The following SORCS1 variants were observed in gnomAD, a reference collection of about 807,000 sequenced individuals.
The protein encoded by SORCS1 is VPS10 domain-containing receptor SorCS1.
A neutral mutation model predicts 146.1 loss-of-function variants in SORCS1; 60 were observed. The observed-to-expected ratio is 0.41, with a 90% CI of 0.33 to 0.51. The LOEUF (loss-of-function observed/expected upper bound fraction) is 0.51, where lower values mean the gene tolerates loss of function less well. Ranked by LOEUF, SORCS1 falls within the 20% of genes least tolerant of loss-of-function variation. SORCS1 has a pLI of 0.21. For missense variants in SORCS1, 1,352 were observed against 1,487.6 expected, an observed-to-expected ratio of 0.91 and a Z score of 1.50; for synonymous variants, 637 against 584.0, an observed-to-expected ratio of 1.09 and a Z score of -1.31.
intron 24 of SORCS1, among the ~76,000 whole-genome samples, chr10:106,595,504 C>T (rs1374308012): frequency 6.6e-6 from 1 of 152,054 alleles, no homozygotes; most frequent in Admixed American, 6.6e-5. Context: ...TGGCATGTTT[C>T]CACCCTCCAC....
chr10:106,788,707 G>A (rs1044610582), intron 3 of SORCS1, among the ~76,000 whole-genome samples: 3 of 152,288 alleles, frequency 2.0e-5, no homozygotes, highest in Middle Eastern at 3.4e-3. Flanking sequence ...TGCAGGGTAC[G>A]GCACCCCTCC....
At chr10:106,968,164 C>G (rs918588509) in intron 1 of SORCS1, among the ~76,000 whole-genome samples, 4 of 151,706 alleles carry the variant, frequency 2.6e-5, no homozygotes, top group Admixed American at 2.6e-4. Context: ...GAGCCGAGAT[C>G]GCGCCACTGC....
intron 2 of SORCS1, among the ~76,000 whole-genome samples, chr10:106,861,662 CAGGTGG>C (rs1042619900): frequency 3.3e-5 from 5 of 151,762 alleles, no homozygotes; most frequent in Non-Finnish European, 7.4e-5. Flanking sequence ...GATGCCAAGG[CAGGTGG>C]ATCACGAGGT....
At chr10:106,979,145 T>C (rs939970595) in intron 1 of SORCS1, among the ~76,000 whole-genome samples, 1 of 151,878 alleles carries the variant, frequency 6.6e-6, no homozygotes, top group Admixed American at 6.6e-5. Flanking sequence ...AAAAAGAGGG[T>C]GAATAATTGC....
chr10:106,575,893 T>C lies in SORCS1; in HGVS notation c.*1527A>G, dbSNP rs1844554849. On this transcript the variant is annotated 3_prime_UTR_variant, in exon 26 of 26. Transcript: ENST00000263054. ...TTCTATTCTACTGTGAGAGTGGAAA[T>C]ACCAGGTAACAGCAACCGTCACAGG... 6.6e-6 allele frequency: 1 copy of C among 152,646 alleles called. No homozygotes were observed. Among genetic ancestry groups the C allele is most frequent in the South Asian group, 2.1e-4 (1 of 4,836 alleles). The allele number at this position is 152,646 out of a possible 1,614,324, so 9.5% of individuals were successfully genotyped here. A position where few individuals can be genotyped will look rare whatever the true frequency, so the allele number is the denominator to read the frequency against.
At chr10:106,936,996 T>C (rs1288896936) in intron 2 of SORCS1, among the ~76,000 whole-genome samples, 1 of 152,192 alleles carries the variant, frequency 6.6e-6, no homozygotes, top group African/African-American at 2.4e-5. Flanking sequence ...GAAGTACTAA[T>C]AACCCCATTT....
chr10:106,770,643 G>A (rs1859952639), intron 4 of SORCS1, among the ~76,000 whole-genome samples: 1 of 152,158 alleles, frequency 6.6e-6, no homozygotes, highest in Non-Finnish European at 1.5e-5. Flanking sequence ...TGAGGTCATT[G>A]TTACACACAT....
intron 3 of SORCS1, among the ~76,000 whole-genome samples, chr10:106,792,705 A>G (rs910193939): frequency 6.6e-6 from 1 of 152,384 alleles, no homozygotes; most frequent in East Asian, 1.9e-4. Context: ...TGTCTAAAAC[A>G]TAAGTGAAAA....
Position 107,164,407 on chromosome 10 carries a change from CGAGGGG to C in SORCS1, c.114_119del (p.Cys38_Ser40delinsTrp). 7.0e-7 allele frequency: 1 copy of C among 1,421,916 alleles called. No individual in the cohort carries two copies. The highest frequency in any genetic ancestry group is 9.2e-7 in the Non-Finnish European group (1 of 1,092,506). The allele number at this position is 1,421,916 out of a possible 1,614,324, so 88.1% of individuals were successfully genotyped here. On this transcript the variant is annotated inframe_deletion, in exon 1 of 26. Coordinates refer to ENST00000263054, the MANE Select transcript of SORCS1 (RefSeq NM_052918.5). This position sits in a 1 kb window ranked among gnomAD's most constrained non-coding sequence, Gnocchi z 6.8. ...AGCGTGGAGCGGAGCTGGGGTGCGG[CGAGGGG>C]CAGCAGGAGCCGCCGCCGCAGACGC...
Position 106,837,145 on chromosome 10 carries a change from A to C in SORCS1, c.627-7472T>G, listed in dbSNP as rs374595826. Among the ~76,000 whole-genome samples, 29 of 152,338 alleles carry C rather than the reference A, an allele frequency of 1.9e-4. 2 individuals carry two copies. Among genetic ancestry groups the C allele is most frequent in the African/African-American group, 6.3e-4 (26 of 41,570 alleles). On this transcript the variant is annotated intron_variant, in intron 2 of 25. Coordinates refer to ENST00000263054, the MANE Select transcript of SORCS1 (RefSeq NM_052918.5). ...AGAAATAAACCAGCTGAAGTTAGCA[A>C]AATCCAAAACTGCAGCTTACTCAAC...
chr10:107,045,831 T>A (rs1415321858), intron 1 of SORCS1, among the ~76,000 whole-genome samples: 1 of 151,224 alleles, frequency 6.6e-6, no homozygotes, highest in Non-Finnish European at 1.5e-5. Context: ...TCACCCAGGC[T>A]GGAATACAGT....
chr10:106,932,875 A>C (rs1345474062), intron 2 of SORCS1, among the ~76,000 whole-genome samples: 3 of 152,182 alleles, frequency 2.0e-5, no homozygotes, highest in Non-Finnish European at 4.4e-5. Flanking sequence ...ATGTTATAGA[A>C]TGATTATCAA....
At chr10:107,049,763 T>C (rs1334692722) in intron 1 of SORCS1, among the ~76,000 whole-genome samples, 1 of 152,176 alleles carries the variant, frequency 6.6e-6, no homozygotes, top group Non-Finnish European at 1.5e-5. Context: ...GTCAAGTGGA[T>C]GACGGTATCA....
At chr10:106,789,521 C>T (rs755930717) in intron 3 of SORCS1, among the ~76,000 whole-genome samples, 1 of 152,218 alleles carries the variant, frequency 6.6e-6, no homozygotes, top group African/African-American at 2.4e-5. Context: ...GGGCAAAATG[C>T]CACCAGTCTC....
intron 18 of SORCS1, among the ~76,000 whole-genome samples, chr10:106,642,183 G>A: frequency 6.6e-6 from 1 of 152,176 alleles, no homozygotes; most frequent in East Asian, 1.9e-4. Context: ...AGCCAACCTA[G>A]CTCCATCGAA....
intron 1 of SORCS1, among the ~76,000 whole-genome samples, chr10:107,116,024 A>T (rs1375160707): frequency 1.3e-5 from 2 of 152,144 alleles, no homozygotes; most frequent in African/African-American, 2.4e-5. Context: ...GGTGCTCAAC[A>T]TCACTAATAA....
At chr10:106,746,684 G>C (rs1173511202) in intron 5 of SORCS1, among the ~76,000 whole-genome samples, 2 of 152,208 alleles carry the variant, frequency 1.3e-5, no homozygotes, top group Non-Finnish European at 2.9e-5. Flanking sequence ...AATGCTGACA[G>C]CCAGCGTTCT....
intron 3 of SORCS1, among the ~76,000 whole-genome samples, chr10:106,826,362 A>G (rs1479535889): frequency 6.6e-6 from 1 of 152,220 alleles, no homozygotes; most frequent in Admixed American, 6.5e-5. Context: ...AATTAATACA[A>G]CTTTTTAAAG....
intron 7 of SORCS1, 127 bp downstream of exon 7, chr10:106,709,096 C>G (rs1458362980): frequency 1.2e-5 from 8 of 678,028 alleles, no homozygotes; most frequent in African/African-American, 1.8e-5. Context: ...TCCCCTCTCT[C>G]CCTACCTCCT....
Sources: gnomAD v4.1 joint callset for allele counts (sites outside exome capture counted in the v4.1 genomes callset) on GRCh38, gnomAD v4.1.1 for gene constraint, Gnocchi (gnomAD v3.1) non-coding constraint, MANE v1.5 for transcripts, NCBI Gene and HGNC (gene_info 2026-07-23, HGNC 2026-07-21) for gene names.